Variants in SLX4IP observed in about 807,000 individuals in gnomAD.
SLX4IP encodes the protein protein SLX4IP.
Under a neutral mutation model 32.9 loss-of-function variants are expected in SLX4IP, and 34 were observed. The ratio of observed to expected loss-of-function variants is 1.03; its 90% CI spans 0.79 to 1.38. SLX4IP has a LOEUF of 1.38. SLX4IP is among the 40% of genes most tolerant of loss of function. SLX4IP has a pLI of 0.00. For missense variants in SLX4IP, 444 were observed against 479.0 expected (o/e 0.93, Z 0.68); for synonymous variants, 172 against 171.7 (o/e 1.00, Z -0.01).
At chr20:10,603,129 C>T (rs1216142071) in intron 6 of SLX4IP, among the ~76,000 whole-genome samples, 1 of 152,180 alleles carries the variant, frequency 6.6e-6, no homozygotes, top group Non-Finnish European at 1.5e-5. Context: ...TATAGCTTAA[C>T]TGATTCAGAG....
intron 3 of SLX4IP, 60 bp downstream of exon 3, chr20:10,556,380 A>C (rs2066267831): frequency 6.8e-7 from 1 of 1,466,790 alleles, no homozygotes; most frequent in East Asian, 2.3e-5. Context: ...AAGAAATATC[A>C]GCTCTTTCCA....
intron 6 of SLX4IP, chr20:10,613,536 T>C: frequency 6.2e-7 from 1 of 1,611,380 alleles, no homozygotes; most frequent in Admixed American, 1.7e-5. Context: ...CATTTCCTTT[T>C]GCCAATCCTT....
intron 4 of SLX4IP, 41 bp downstream of exon 4, chr20:10,560,861 G>C (rs760827148): frequency 6.5e-7 from 1 of 1,531,966 alleles, no homozygotes; most frequent in Non-Finnish European, 8.8e-7. Flanking sequence ...AAAATAAATA[G>C]AATTTCTGCT....
At chr20:10,572,683 T>C (rs1245249097) in intron 4 of SLX4IP, among the ~76,000 whole-genome samples, 1 of 152,194 alleles carries the variant, frequency 6.6e-6, no homozygotes, top group African/African-American at 2.4e-5. Flanking sequence ...AAATTAAATT[T>C]TCCTGGGTAC....
chr20:10,521,607 A>T (rs2065901517), intron 2 of SLX4IP, among the ~76,000 whole-genome samples: 1 of 152,190 alleles, frequency 6.6e-6, no homozygotes, highest in Non-Finnish European at 1.5e-5. Context: ...CTGAGTCAAA[A>T]GCAGCTGTCT....
Position 10,556,234 on chromosome 20 carries a change from G to A in SLX4IP, c.31G>A (p.Gly11Arg), listed in dbSNP as rs144253292. MASKKFAVKC[G>R]NFAVLVDLHI... is the part of the protein sequence containing the mutation. Reference sequence around the variant, plus strand: ...CTCTGCCATTAATGTCTTTCAGTGTGGGAATTTTGCTGTCCTCGTGGATCT... The same window carrying A: ...CTCTGCCATTAATGTCTTTCAGTGTAGGAATTTTGCTGTCCTCGTGGATCT... Residue 11 changes from glycine to arginine, a missense_variant, in exon 3 of 8, where the codon GGG becomes AGG. Physicochemically the swap from Gly to Arg is moderately radical, Grantham distance 125 (BLOSUM62 -2). Transcript: ENST00000334534. 1.2e-6 allele frequency: 2 copies of A among 1,613,208 alleles called. No individual in the cohort carries two copies. Among genetic ancestry groups the A allele is most frequent in the South Asian group, 2.2e-5 (2 of 90,806 alleles).
chr20:10,452,958 T>C (rs1362328994), intron 1 of SLX4IP, among the ~76,000 whole-genome samples: 1 of 152,132 alleles, frequency 6.6e-6, no homozygotes, highest in Non-Finnish European at 1.5e-5. Flanking sequence ...ATAGCTATTG[T>C]GGTTGTTATT....
At chr20:10,536,364 TAA>T (rs111395620) in intron 2 of SLX4IP, among the ~76,000 whole-genome samples, 6 of 142,122 alleles carry the variant, frequency 4.2e-5, no homozygotes, top group Admixed American at 1.4e-4. Context: ...CTTGTCTCTT[TAA>T]AAAAAAAAAA....
chr20:10,451,555 C>G (rs550754403), intron 1 of SLX4IP, among the ~76,000 whole-genome samples: 8 of 152,258 alleles, frequency 5.3e-5, no homozygotes, highest in African/African-American at 1.9e-4. Context: ...ATGACCAGTC[C>G]AAATTGAGAT....
At chr20:10,542,611 G>A (rs969378127) in intron 2 of SLX4IP, among the ~76,000 whole-genome samples, 3 of 152,070 alleles carry the variant, frequency 2.0e-5, no homozygotes, top group African/African-American at 7.2e-5. Context: ...CACTTTTCCC[G>A]GCCACTGCTG....
intron 2 of SLX4IP, among the ~76,000 whole-genome samples, chr20:10,538,592 C>T (rs908077137): frequency 2.0e-5 from 3 of 151,350 alleles, no homozygotes; most frequent in Non-Finnish European, 4.4e-5. Flanking sequence ...GTGGTGCCAT[C>T]TTGGCTCACT....
chr20:10,509,704 T>G lies in SLX4IP; in HGVS notation c.28-46527T>G, dbSNP rs187377895. 4.0e-3 allele frequency among the ~76,000 whole-genome samples: 614 copies of G among 152,234 alleles called. 6 individuals are homozygous for G. Among genetic ancestry groups the G allele is most frequent in the African/African-American group, 0.014 (569 of 41,552 alleles). ...ATTGGGATGATGAATACATTTTTTTTTTTTTTTTAAGCCACAGAGTCTCAC... is the reference window on the plus strand; with the variant it reads ...ATTGGGATGATGAATACATTTTTTTGTTTTTTTTAAGCCACAGAGTCTCAC... On this transcript the variant is annotated intron_variant, in intron 2 of 7. Coordinates refer to ENST00000334534, the MANE Select transcript of SLX4IP (RefSeq NM_001009608.3).
chr20:10,465,172 A>G (rs1198779133), intron 2 of SLX4IP, among the ~76,000 whole-genome samples: 1 of 152,188 alleles, frequency 6.6e-6, no homozygotes, highest in African/African-American at 2.4e-5. Context: ...CATCTCCCCA[A>G]GGCTTCATAG....
chr20:10,523,748 G>A (rs769010072), intron 2 of SLX4IP, among the ~76,000 whole-genome samples: 1 of 152,206 alleles, frequency 6.6e-6, no homozygotes, highest in Non-Finnish European at 1.5e-5. Flanking sequence ...GAGGTATTAG[G>A]TGAGAAGCTC....
At chr20:10,614,960 A>T (rs1202031743) in intron 6 of SLX4IP, among the ~76,000 whole-genome samples, 1 of 152,204 alleles carries the variant, frequency 6.6e-6, no homozygotes. Context: ...GACTTAGTAT[A>T]TAAAACATCT....
chr20:10,464,776 T>G (rs1413896451), intron 2 of SLX4IP, among the ~76,000 whole-genome samples: 2 of 151,364 alleles, frequency 1.3e-5, no homozygotes, highest in Non-Finnish European at 2.9e-5. Flanking sequence ...ATGAATACTT[T>G]TTTTTTGTTT....
chr20:10,525,858 A>C (rs2065936214), intron 2 of SLX4IP, among the ~76,000 whole-genome samples: 1 of 151,518 alleles, frequency 6.6e-6, no homozygotes, highest in Non-Finnish European at 1.5e-5. Context: ...CACACCTTCC[A>C]CTGTCTTGAC....
rs538562090 is a variant in SLX4IP at position 10,506,481 on chromosome 20, A to G, written c.27+48250A>G. Among the ~76,000 whole-genome samples, 7 of 152,332 alleles carry G rather than the reference A, an allele frequency of 4.6e-5. 1 individual carries two copies. In the South Asian group the frequency reaches 1.4e-3, roughly 32 times the overall value. On this transcript the variant is annotated intron_variant, in intron 2 of 7. Coordinates refer to ENST00000334534, the MANE Select transcript of SLX4IP (RefSeq NM_001009608.3). Reference sequence around the variant, plus strand: ...TTCTACATGCTAGGCATGTGAATTTAACAAGACAGACAGGCCTTATGTTGT... The same window carrying G: ...TTCTACATGCTAGGCATGTGAATTTGACAAGACAGACAGGCCTTATGTTGT...
intron 6 of SLX4IP, among the ~76,000 whole-genome samples, chr20:10,608,038 A>G (rs2066923887): frequency 6.6e-6 from 1 of 152,242 alleles, no homozygotes; most frequent in African/African-American, 2.4e-5. Context: ...AAGTTGGAAT[A>G]GGATGTATCT....
Sources: allele counts gnomAD v4.1 joint callset (sites outside exome capture counted in the v4.1 genomes callset), GRCh38; gene constraint gnomAD v4.1.1; transcripts MANE v1.5; gene names NCBI Gene and HGNC (gene_info 2026-07-23, HGNC 2026-07-21).